The following CRADD variants were observed in gnomAD, a reference collection of about 807,000 sequenced individuals.
CRADD encodes death domain-containing protein CRADD.
CRADD carries 9 observed loss-of-function variants against 15.5 expected under a neutral mutation model. That is an observed-to-expected ratio of 0.58 (90% CI 0.35 to 1.01). The LOEUF is 1.01. Ranked by LOEUF, CRADD falls within the 50% of genes least tolerant of loss-of-function variation. The pLI is 0.02. For missense variants in CRADD, 227 were observed against 250.3 expected, an observed-to-expected ratio of 0.91 and a Z score of 0.63; for synonymous variants, 118 against 107.6, an observed-to-expected ratio of 1.10 and a Z score of -0.60.
At chr12:93,875,664 A>G (rs1958453356) in intron 2 of CRADD, among the ~76,000 whole-genome samples, 1 of 152,102 alleles carries the variant, frequency 6.6e-6, no homozygotes, top group Non-Finnish European at 1.5e-5. Flanking sequence ...TGCATAAACA[A>G]ACAAACAATC....
intron 2 of CRADD, among the ~76,000 whole-genome samples, chr12:93,765,814 G>A (rs1051520810): frequency 6.6e-6 from 1 of 151,730 alleles, no homozygotes. Context: ...AAAAAACTAA[G>A]GGAAAAATAC....
At chr12:93,863,596 T>TTTTG (rs1444257644) in intron 2 of CRADD, among the ~76,000 whole-genome samples, 2 of 124,774 alleles carry the variant, frequency 1.6e-5, no homozygotes, top group Non-Finnish European at 3.3e-5. Context: ...GTGGAGGCAT[T>TTTTG]TGTGTGTGTG....
chr12:93,825,971 G>A (rs1199467620), intron 2 of CRADD, among the ~76,000 whole-genome samples: 1 of 152,174 alleles, frequency 6.6e-6, no homozygotes, highest in Non-Finnish European at 1.5e-5. Context: ...AGTATTTTTG[G>A]AATTCTGTGC....
intron 2 of CRADD, among the ~76,000 whole-genome samples, chr12:93,863,596 T>TTTGTGTGTGTG (rs1444257644): frequency 8.0e-6 from 1 of 124,774 alleles, no homozygotes; most frequent in East Asian, 2.5e-4. Context: ...GTGGAGGCAT[T>TTTGTGTGTGTG]TGTGTGTGTG....
At chr12:93,860,940 T>G (rs1324119738) in intron 2 of CRADD, among the ~76,000 whole-genome samples, 2 of 152,196 alleles carry the variant, frequency 1.3e-5, no homozygotes, top group Non-Finnish European at 2.9e-5. Context: ...AAAAGCCCCC[T>G]CCTCTCCTCC....
At chr12:93,797,459 A>G (rs1957431824) in intron 2 of CRADD, among the ~76,000 whole-genome samples, 1 of 152,198 alleles carries the variant, frequency 6.6e-6, no homozygotes, top group Admixed American at 6.5e-5. Flanking sequence ...GAGCCCAGGA[A>G]TGAAGGAGGC....
Position 93,678,869 on chromosome 12 carries a change from A to C in CRADD, c.95A>C (p.Gln32Pro). The change falls in exon 2 of 3, where the codon CAG becomes CCG. Residue 32 changes from glutamine to proline, a missense_variant. Transcript: ENST00000332896. ...VEGLVLQYLY[Q>P]EGILTENHIQ... ...GGACTGGTTCTTCAGTACCTCTACC[A>C]GGAAGGAATCTTGACGGAAAACCAT... The C allele has an allele frequency of 6.2e-7, 1 of 1,614,264 alleles. No homozygotes were observed. The highest frequency in any genetic ancestry group is 8.5e-7 in the Non-Finnish European group (1 of 1,180,052).
chr12:93,820,169 C>CT (rs925348693), intron 2 of CRADD, among the ~76,000 whole-genome samples: 15 of 152,170 alleles, frequency 9.9e-5, no homozygotes, highest in African/African-American at 3.4e-4. Context: ...TGGAGCCTGT[C>CT]TTTTTTTTCC....
chr12:93,873,076 A>G lies in CRADD; in HGVS notation c.299-20974A>G, dbSNP rs77061360. 3.1e-3 allele frequency among the ~76,000 whole-genome samples: 473 copies of G among 151,992 alleles called. 6 individuals carry two copies. The East Asian group carries it at 0.048, about 15-fold the overall frequency. The stretch of plus-strand genomic sequence containing the variant: ...TTTCTCTTTTTTTGGTGTCCTCTTC[A>G]ATTTCTTTCATCAGTGTTTTATAGT... On this transcript the variant is annotated intron_variant, in intron 2 of 2. Coordinates refer to the CRADD transcript ENST00000548483.
At chr12:93,729,837 C>A (rs1346929274) in intron 2 of CRADD, among the ~76,000 whole-genome samples, 6 of 150,346 alleles carry the variant, frequency 4.0e-5, no homozygotes, top group African/African-American at 1.5e-4. Flanking sequence ...ACAAAGAACA[C>A]CATAATATTA....
chr12:93,729,276 A>C (rs1956422560), intron 2 of CRADD, among the ~76,000 whole-genome samples: 1 of 152,214 alleles, frequency 6.6e-6, no homozygotes, highest in East Asian at 1.9e-4. Flanking sequence ...AGATTTGTAA[A>C]AGGCATTGGG....
downstream of CRADD, among the ~76,000 whole-genome samples, chr12:93,854,512 C>A (rs1253616795): frequency 3.3e-5 from 5 of 152,188 alleles, no homozygotes; most frequent in Non-Finnish European, 7.3e-5. Flanking sequence ...GAGGGCTCTA[C>A]CAAAAGGCAT....
intron 2 of CRADD, among the ~76,000 whole-genome samples, chr12:93,795,257 A>T (rs1308579306): frequency 6.6e-6 from 1 of 152,152 alleles, no homozygotes; most frequent in Non-Finnish European, 1.5e-5. Context: ...GGATCAAGGA[A>T]CTTTTCCCCA....
At chr12:93,877,066 C>T (rs1371445592) in intron 2 of CRADD, among the ~76,000 whole-genome samples, 1 of 152,204 alleles carries the variant, frequency 6.6e-6, no homozygotes, top group Non-Finnish European at 1.5e-5. Context: ...CTTGTAGACT[C>T]ATAGAAGTAC....
intron 2 of CRADD, among the ~76,000 whole-genome samples, chr12:93,771,528 C>T (rs140457013): frequency 6.6e-6 from 1 of 152,160 alleles, no homozygotes; most frequent in East Asian, 1.9e-4. Context: ...CAAAATATGT[C>T]TGTGTGATAA....
At chr12:93,855,771 G>A (rs1202299750) in intron 2 of CRADD, among the ~76,000 whole-genome samples, 1 of 152,204 alleles carries the variant, frequency 6.6e-6, no homozygotes, top group East Asian at 1.9e-4. Flanking sequence ...TGGCAAAGAT[G>A]TTTTGTTAAA....
chr12:93,699,082 T>G (rs1955779987), intron 2 of CRADD, among the ~76,000 whole-genome samples: 1 of 152,230 alleles, frequency 6.6e-6, no homozygotes, highest in African/African-American at 2.4e-5. Context: ...CTTTGGTTTT[T>G]TTCTTATGAC....
At position 93,834,571 on chromosome 12, in the gene CRADD, C is replaced by A. The variant is rs145134794; in HGVS notation, c.299-15399C>A. 1.9e-3 allele frequency among the ~76,000 whole-genome samples: 294 copies of A among 152,288 alleles called. 1 individual carries two copies. Among genetic ancestry groups the A allele is most frequent in the African/African-American group, 6.4e-3 (267 of 41,548 alleles). The stretch of plus-strand genomic sequence containing the variant: ...TGGCACAATCTTAGCTCACCACAAC[C>A]TCTACCTCCCAGGTTCAAGTGATTC... On this transcript the variant is annotated intron_variant, in intron 2 of 2. Coordinates refer to ENST00000332896, the MANE Select transcript of CRADD (RefSeq NM_003805.5).
At chr12:93,851,076 T>C (rs1271080485), downstream of CRADD, among the ~76,000 whole-genome samples, 9 of 152,336 alleles carry the variant, frequency 5.9e-5, no homozygotes, top group East Asian at 1.7e-3. Flanking sequence ...GGTCTTTCCA[T>C]TGAAGCCAGA....
Sources: allele counts gnomAD v4.1 joint callset (sites outside exome capture counted in the v4.1 genomes callset), GRCh38; gene constraint gnomAD v4.1.1; transcripts MANE v1.5; gene names NCBI Gene and HGNC (gene_info 2026-07-23, HGNC 2026-07-21).